THADA: variants seen among roughly 807,000 people sequenced by gnomAD.
THADA encodes THADA armadillo repeat containing, also known as tRNA (32-2'-O)-methyltransferase regulator THADA.
A neutral mutation model predicts 219.8 loss-of-function variants in THADA; 213 were observed. The observed-to-expected ratio is 0.97, with a 90% confidence interval of 0.87 to 1.09. The LOEUF (loss-of-function observed/expected upper bound fraction) is 1.09. Among genes scored for constraint, THADA ranks in the 50% least tolerant of loss-of-function variants. The pLI, the probability that THADA is intolerant of heterozygous loss-of-function variation, is 0.00. For synonymous variants in THADA, 1,018 were observed against 828.9 expected (o/e 1.23, Z -3.92); for missense variants, 2,956 against 2,311.3 (o/e 1.28, Z -5.72).
At chr2:43,576,437 C>G (rs758138709) in intron 10 of THADA, among the ~76,000 whole-genome samples, 1 of 152,136 alleles carries the variant, frequency 6.6e-6, no homozygotes, top group Non-Finnish European at 1.5e-5. Flanking sequence ...TAAGCATTTA[C>G]TTTTCTAAGC....
intron 21 of THADA, among the ~76,000 whole-genome samples, chr2:43,536,133 G>A (rs964215958): frequency 6.6e-6 from 1 of 152,124 alleles, no homozygotes; most frequent in Non-Finnish European, 1.5e-5. Flanking sequence ...TGTATAGAGT[G>A]AGAGGTGGGT....
At chr2:43,586,118 A>G (rs1181683769) in intron 7 of THADA, among the ~76,000 whole-genome samples, 3 of 151,994 alleles carry the variant, frequency 2.0e-5, no homozygotes, top group Non-Finnish European at 4.4e-5. Flanking sequence ...AAAAAAAACT[A>G]TCTGGGTGTG....
At chr2:43,546,182 T>C (rs1461364883) in intron 20 of THADA, among the ~76,000 whole-genome samples, 10 of 151,432 alleles carry the variant, frequency 6.6e-5, no homozygotes, top group East Asian at 5.8e-4. Context: ...AGTTGAGTGG[T>C]TTTGAGTTTC....
chr2:43,517,685 C>G (rs75857730), intron 22 of THADA, among the ~76,000 whole-genome samples: 1 of 152,090 alleles, frequency 6.6e-6, no homozygotes, highest in Non-Finnish European at 1.5e-5. Context: ...ATCAAACGCA[C>G]GTGCACTTCA....
At chr2:43,457,945 T>C (rs910296607) in intron 26 of THADA, among the ~76,000 whole-genome samples, 1 of 151,010 alleles carries the variant, frequency 6.6e-6, no homozygotes, top group African/African-American at 2.4e-5. Flanking sequence ...TCCCAGGTGA[T>C]AGGGGATATC....
intron 21 of THADA, chr2:43,538,556 C>G (rs1191327839): frequency 6.6e-6 from 1 of 152,064 alleles, no homozygotes; most frequent in Non-Finnish European, 1.5e-5. Flanking sequence ...CTGTTGCTTG[C>G]GAAAATTTAC....
chr2:43,565,908 G>A (rs1698612693), intron 15 of THADA: 1 of 152,496 alleles, frequency 6.6e-6, no homozygotes, highest in Admixed American at 6.6e-5. Flanking sequence ...TTAACATGGT[G>A]AAACCCCATC....
intron 29 of THADA, among the ~76,000 whole-genome samples, chr2:43,373,828 T>C (rs1190710267): frequency 6.6e-5 from 10 of 152,220 alleles, no homozygotes; most frequent in Admixed American, 6.5e-4. Flanking sequence ...GGAAAACTCA[T>C]TTCTAATATT....
intron 26 of THADA, among the ~76,000 whole-genome samples, chr2:43,473,570 C>T (rs989247518): frequency 2.6e-5 from 4 of 151,914 alleles, no homozygotes; most frequent in Admixed American, 1.3e-4. Flanking sequence ...GTAACATCAT[C>T]GTTTTGTGTC....
At chr2:43,575,463 C>A (rs1413026307) in intron 10 of THADA, among the ~76,000 whole-genome samples, 1 of 152,020 alleles carries the variant, frequency 6.6e-6, no homozygotes, top group Non-Finnish European at 1.5e-5. Context: ...TAATAATAGT[C>A]CAGGAAGGGA....
At chr2:43,515,778 G>A (rs563397380) in intron 22 of THADA, among the ~76,000 whole-genome samples, 24 of 152,130 alleles carry the variant, frequency 1.6e-4, no homozygotes, top group Admixed American at 3.3e-4. Flanking sequence ...AAGACAATCT[G>A]AAATATACAA....
At chr2:43,356,164 T>G (rs1257877879) in intron 29 of THADA, among the ~76,000 whole-genome samples, 2 of 152,108 alleles carry the variant, frequency 1.3e-5, no homozygotes, top group African/African-American at 2.4e-5. Flanking sequence ...AAGGTGACAT[T>G]TGAACAGTAG....
intron 28 of THADA, among the ~76,000 whole-genome samples, chr2:43,423,950 T>G (rs1678074324): frequency 6.6e-6 from 1 of 152,214 alleles, no homozygotes; most frequent in African/African-American, 2.4e-5. Flanking sequence ...TTATTCTGCT[T>G]TGTGGTACCT....
In THADA at chr2:43,573,885, C is replaced by G. The variant is rs184576070; in HGVS notation, c.1729+451G>C. 3.9e-5 allele frequency among the ~76,000 whole-genome samples: 6 copies of G among 152,200 alleles called. No homozygotes were observed. In the East Asian group the frequency reaches 1.2e-3, roughly 29 times the overall value. ...TCTAAATAACTATAGATGGCTATTT[C>G]TTGAGATCATGCCTCTGAATTTTGT... On this transcript the variant is annotated intron_variant, in intron 11 of 37. Transcript: ENST00000405975.
chr2:43,595,445 G>A (rs931307118), intron 1 of THADA, among the ~76,000 whole-genome samples: 4 of 152,196 alleles, frequency 2.6e-5, no homozygotes, highest in Admixed American at 2.0e-4. Context: ...ACTATTCTCT[G>A]GTGAAAGGTA....
chr2:43,450,695 T>TA lies in THADA; in HGVS notation c.3837-20394dup, dbSNP rs774276210. On this transcript the variant is annotated intron_variant, in intron 26 of 37. Coordinates refer to ENST00000405975, the MANE Select transcript of THADA (RefSeq NM_022065.5). ...CAAGACAAGAGATTGGCAGAATGGATAAAAAAAAACATGATCCAACTATAT... is the reference window on the plus strand; with the variant it reads ...CAAGACAAGAGATTGGCAGAATGGATAAAAAAAAAACATGATCCAACTATAT... Among the ~76,000 whole-genome samples the TA allele has an allele frequency of 2.7e-3, 406 of 151,368 alleles. 1 individual carries two copies. Among genetic ancestry groups the TA allele is most frequent in the South Asian group, 4.0e-3 (19 of 4,780 alleles).
chr2:43,268,402 C>A (rs567483739), intron 36 of THADA, among the ~76,000 whole-genome samples: 1 of 152,210 alleles, frequency 6.6e-6, no homozygotes, highest in East Asian at 1.9e-4. Flanking sequence ...CCCTGCCCCA[C>A]GTGTGCAGAG....
At chr2:43,478,817 A>G (rs1685845743) in intron 26 of THADA, among the ~76,000 whole-genome samples, 1 of 152,192 alleles carries the variant, frequency 6.6e-6, no homozygotes, top group South Asian at 2.1e-4. Context: ...TTTCAGTTAA[A>G]AACTTTATTT....
intron 1 of THADA, among the ~76,000 whole-genome samples, chr2:43,593,790 C>T (rs563152108): frequency 1.3e-5 from 2 of 152,068 alleles, no homozygotes; most frequent in African/African-American, 2.4e-5. Flanking sequence ...CCCGCCACCA[C>T]GCCCGGCTAA....
Sources: gnomAD v4.1 joint callset for allele counts (sites outside exome capture counted in the v4.1 genomes callset) on GRCh38, gnomAD v4.1.1 for gene constraint, MANE v1.5 for transcripts, NCBI Gene and HGNC (gene_info 2026-07-23, HGNC 2026-07-21) for gene names.